Variants in SLC35D4 observed in about 807,000 individuals in gnomAD.
SLC35D4 encodes the protein UDP-N-acetylglucosamine transporter SLC35D4.
chr18:23,436,694 G>A, the SLC35D4 span, among the ~76,000 whole-genome samples: 3 of 152,268 alleles, frequency 2.0e-5, no homozygotes, highest in Admixed American at 1.3e-4. Flanking sequence ...TCACGAGGCT[G>A]AGGCAGGAGA....
At chr18:23,351,309 A>G in the SLC35D4 span, among the ~76,000 whole-genome samples, 1 of 152,112 alleles carries the variant, frequency 6.6e-6, no homozygotes, top group East Asian at 1.9e-4. Context: ...TGGGAGGCTG[A>G]GTCAGGAGGG....
chr18:23,323,254 C>T, the SLC35D4 span, among the ~76,000 whole-genome samples: 1 of 152,212 alleles, frequency 6.6e-6, no homozygotes, highest in Non-Finnish European at 1.5e-5. Context: ...TTTGGTATAA[C>T]AATAACTTCA....
the SLC35D4 span, among the ~76,000 whole-genome samples, chr18:23,255,987 C>T: frequency 2.0e-5 from 3 of 152,202 alleles, no homozygotes; most frequent in African/African-American, 7.2e-5. Flanking sequence ...GTGCCTCTAT[C>T]ACCTGAACTA....
the SLC35D4 span, among the ~76,000 whole-genome samples, chr18:23,266,817 G>A: frequency 6.6e-6 from 1 of 152,200 alleles, no homozygotes; most frequent in Non-Finnish European, 1.5e-5. Flanking sequence ...GGCCCTTGGA[G>A]CCCCCTCAGC....
At chr18:23,313,153 A>AAAAAAAAAAAAAC in the SLC35D4 span, among the ~76,000 whole-genome samples, 1 of 146,546 alleles carries the variant, frequency 6.8e-6, no homozygotes. Flanking sequence ...AAAAAAAAAA[A>AAAAAAAAAAAAAC]AAAAGAACCT....
chr18:23,425,328 T>C, the SLC35D4 span, among the ~76,000 whole-genome samples: 1 of 152,178 alleles, frequency 6.6e-6, no homozygotes, highest in African/African-American at 2.4e-5. Context: ...CTCAAACTCC[T>C]GGCCTCAAGA....
At chr18:23,299,921 C>T in the SLC35D4 span, among the ~76,000 whole-genome samples, 18 of 152,162 alleles carry the variant, frequency 1.2e-4, no homozygotes, top group Non-Finnish European at 2.2e-4. Flanking sequence ...CTAAGTTGAT[C>T]GTTCCTATTT....
chr18:23,283,751 T>C, the SLC35D4 span, among the ~76,000 whole-genome samples: 3 of 151,318 alleles, frequency 2.0e-5, no homozygotes, highest in East Asian at 1.9e-4. Flanking sequence ...GGAGGTTGCA[T>C]TGAGTCAAGA....
the SLC35D4 span, among the ~76,000 whole-genome samples, chr18:23,382,962 C>T: frequency 6.6e-6 from 1 of 152,184 alleles, no homozygotes; most frequent in East Asian, 1.9e-4. Flanking sequence ...AGAGGAGGCA[C>T]AGACTTGGTA....
the SLC35D4 span, among the ~76,000 whole-genome samples, chr18:23,293,864 CT>C: frequency 6.6e-6 from 1 of 152,216 alleles, no homozygotes; most frequent in Non-Finnish European, 1.5e-5. Context: ...ACAGTCATGG[CT>C]CATTGCAACC....
At chr18:23,426,827 C>T in the SLC35D4 span, among the ~76,000 whole-genome samples, 1 of 152,108 alleles carries the variant, frequency 6.6e-6, no homozygotes, top group Non-Finnish European at 1.5e-5. Flanking sequence ...GATATATAGA[C>T]CAATGGAACA....
At chr18:23,329,031 C>T in the SLC35D4 span, among the ~76,000 whole-genome samples, 1 of 152,130 alleles carries the variant, frequency 6.6e-6, no homozygotes, top group Non-Finnish European at 1.5e-5. Flanking sequence ...GGATCCCTTC[C>T]TTACACCTTA....
chr18:23,367,540 C>T, the SLC35D4 span, among the ~76,000 whole-genome samples: 1 of 152,032 alleles, frequency 6.6e-6, no homozygotes, highest in Non-Finnish European at 1.5e-5. Flanking sequence ...ACCAAAGGAA[C>T]ACTCTCTCTT....
the SLC35D4 span, among the ~76,000 whole-genome samples, chr18:23,408,917 C>T: frequency 6.6e-6 from 1 of 151,212 alleles, no homozygotes; most frequent in Non-Finnish European, 1.5e-5. Flanking sequence ...GGTGGATCAC[C>T]TGAGGTCAGG....
At chr18:23,252,998 G>T in the SLC35D4 span, 7 of 1,613,816 alleles carry the variant, frequency 4.3e-6, no homozygotes, top group Non-Finnish European at 5.9e-6. Context: ...CGGATCTCAA[G>T]AAGGACATGA....
chr18:23,361,793 G>C, the SLC35D4 span, among the ~76,000 whole-genome samples: 3 of 152,152 alleles, frequency 2.0e-5, no homozygotes, highest in Non-Finnish European at 4.4e-5. Context: ...ATCCATGCAA[G>C]TATCCCTTCC....
chr18:23,245,282 C>T, the SLC35D4 span, among the ~76,000 whole-genome samples: 6 of 152,152 alleles, frequency 3.9e-5, no homozygotes, highest in Admixed American at 2.6e-4. Flanking sequence ...CTGAGGTGGG[C>T]GGATCACTTG....
At chr18:23,308,085 G>A in the SLC35D4 span, among the ~76,000 whole-genome samples, 1 of 152,234 alleles carries the variant, frequency 6.6e-6, no homozygotes, top group African/African-American at 2.4e-5. Context: ...TGTCAGGGAG[G>A]AAATTAGCAA....
At chr18:23,414,331 AAGGCAGGC>A in the SLC35D4 span, among the ~76,000 whole-genome samples, 2 of 140,558 alleles carry the variant, frequency 1.4e-5, no homozygotes, top group African/African-American at 5.4e-5. Flanking sequence ...GGAAGGAAGG[AAGGCAGGC>A]AGGCAGGCAG....
Sources: allele counts gnomAD v4.1 joint callset (sites outside exome capture counted in the v4.1 genomes callset), GRCh38; gene constraint gnomAD v4.1.1; transcripts MANE v1.5; gene names NCBI Gene and HGNC (gene_info 2026-07-23, HGNC 2026-07-21).